The following NUDT5 variants were observed in gnomAD, a reference collection of about 807,000 sequenced individuals.
NUDT5 encodes the protein nudix hydrolase 5.
Under a neutral mutation model 34.1 loss-of-function variants are expected in NUDT5, and 21 were observed. The ratio of observed to expected loss-of-function variants is 0.62; its 90% confidence interval spans 0.44 to 0.89. NUDT5 has a LOEUF of 0.89. Ranked by LOEUF, NUDT5 falls within the 40% of genes least tolerant of loss-of-function variation. The pLI is 0.00. For synonymous variants in NUDT5, 85 were observed against 97.6 expected (o/e 0.87, Z 0.76); for missense variants, 249 against 274.8 (o/e 0.91, Z 0.66).
rs775605399 is a variant in NUDT5 at position 12,170,202 on chromosome 10, AG to A, written c.550+514del. 10 of 1,611,792 alleles carry A rather than the reference AG, an allele frequency of 6.2e-6. No individual in the cohort carries two copies. The highest frequency in any genetic ancestry group is 3.3e-5 in the Admixed American group (2 of 59,996). On this transcript the variant is annotated intron_variant, in intron 9 of 9. Transcript: ENST00000491614. The surrounding 1 kb of genome is among the most constrained non-coding windows in gnomAD (Gnocchi z 4.9). The stretch of plus-strand genomic sequence containing the variant: ...AATTATACAATGCATCTACATGACC[AG>A]TGATTTCTAAGGGCCACACAGCTGG...
rs1275074162 is a variant in NUDT5, at chr10:12,165,453, T to C, written c.*2249A>G. The C allele has an allele frequency of 1.9e-5, 15 of 773,406 alleles. No individual in the cohort carries two copies. The highest frequency in any genetic ancestry group is 2.4e-5 in the Non-Finnish European group (15 of 637,018). The allele number at this position is 773,406 out of a possible 1,614,324, so 47.9% of individuals were successfully genotyped here. A position where few individuals can be genotyped will look rare whatever the true frequency, so the allele number is the denominator to read the frequency against. On this transcript the variant is annotated 3_prime_UTR_variant, in exon 10 of 10. Transcript: ENST00000491614. ...ATAGGTTCAGTGTATTCATAAGAAG[T>C]CCACCCTGAGATGCCTGTAAAAGTC...
chr10:12,181,251 G>C lies in NUDT5; in HGVS notation c.132-2119C>G, dbSNP rs761263376. On this transcript the variant is annotated intron_variant, in intron 3 of 9. Coordinates refer to ENST00000491614, the MANE Select transcript of NUDT5 (RefSeq NM_014142.4). This position sits in a 1 kb window ranked among gnomAD's most constrained non-coding sequence, Gnocchi z 5.0. ...TACTCTAGAGATGAAGTGCGTGGGAGGATGTGCATAGGTTAGAGGCAAATA... is the reference window on the plus strand; with the variant it reads ...TACTCTAGAGATGAAGTGCGTGGGACGATGTGCATAGGTTAGAGGCAAATA... Among the ~76,000 whole-genome samples the C allele has an allele frequency of 5.3e-5, 8 of 152,198 alleles. No individual in the cohort carries two copies. The highest frequency in any genetic ancestry group is 8.8e-5 in the Non-Finnish European group (6 of 68,034).
rs1835054844 is a variant in NUDT5 at position 12,182,251 on chromosome 10, G to A, written c.131+2638C>T. On this transcript the variant is annotated intron_variant, in intron 3 of 9. Coordinates refer to ENST00000491614, the MANE Select transcript of NUDT5 (RefSeq NM_014142.4). This position sits in a 1 kb window ranked among gnomAD's most constrained non-coding sequence, Gnocchi z 4.3. ...TTCTGACTGCAGCCTGTCACACAGA[G>A]TCAGGTGTGGAATTCTCCAGCTGGG... Among the ~76,000 whole-genome samples the A allele has an allele frequency of 6.6e-6, 1 of 152,188 alleles. No individual in the cohort carries two copies. The highest frequency in any genetic ancestry group is 1.5e-5 in the Non-Finnish European group (1 of 68,026).
In NUDT5 at chr10:12,193,869, C is replaced by CTT. The variant is rs561906932; in HGVS notation, c.-42+1899_-42+1900dup. ...TTGCAACTGCCTTAATCTCTACACT[C>CTT]TTTTTTTTTTTTTTCCCGAGACGGA... On this transcript the variant is annotated intron_variant, in intron 1 of 9. Transcript: ENST00000491614. Among the ~76,000 whole-genome samples the CTT allele has an allele frequency of 2.7e-4, 39 of 143,960 alleles. No homozygotes were observed. The South Asian group carries it at 3.3e-3, about 12-fold the overall frequency. 94.4% of individuals were successfully genotyped at this position (143,960 alleles called of 152,430 possible).
At chr10:12,191,989 C>CA (rs1407069875) in intron 1 of NUDT5, among the ~76,000 whole-genome samples, 1 of 151,960 alleles carries the variant, frequency 6.6e-6, no homozygotes, top group Non-Finnish European at 1.5e-5. Flanking sequence ...CAAAGTGAAG[C>CA]AAAAAATCCT....
At position 12,181,405 on chromosome 10, in the gene NUDT5, G is replaced by A. The variant is rs918085760; in HGVS notation, c.132-2273C>T. Among the ~76,000 whole-genome samples the A allele has an allele frequency of 4.6e-5, 7 of 152,182 alleles. No individual in the cohort carries two copies. Among genetic ancestry groups the A allele is most frequent in the African/African-American group, 1.7e-4 (7 of 41,442 alleles). On this transcript the variant is annotated intron_variant, in intron 3 of 9. Coordinates refer to ENST00000491614, the MANE Select transcript of NUDT5 (RefSeq NM_014142.4). This position sits in a 1 kb window ranked among gnomAD's most constrained non-coding sequence, Gnocchi z 5.0. Reference sequence around the variant, plus strand: ...TGTACAGGTTGAGTATTCCTTACCCGAAACGAGGGGCCGGAAGTGTTTCAG... The same window carrying A: ...TGTACAGGTTGAGTATTCCTTACCCAAAACGAGGGGCCGGAAGTGTTTCAG...
Position 12,181,824 on chromosome 10 carries a change from T to A in NUDT5, c.132-2692A>T, listed in dbSNP as rs1835046869. ...TGAGACTCTGTCTCTACTAAAAAAA[T>A]AAAAATTAAATAAATTTAAAAAAAA... On this transcript the variant is annotated intron_variant, in intron 3 of 9. Coordinates refer to ENST00000491614, the MANE Select transcript of NUDT5 (RefSeq NM_014142.4). This position sits in a 1 kb window ranked among gnomAD's most constrained non-coding sequence, Gnocchi z 5.0. Among the ~76,000 whole-genome samples, 1 of 150,566 alleles carries A rather than the reference T, an allele frequency of 6.6e-6. No individual in the cohort carries two copies.
At position 12,187,381 on chromosome 10, in the gene NUDT5, C is replaced by G. The variant is rs1475607799; in HGVS notation, c.-41-1049G>C. On this transcript the variant is annotated intron_variant, in intron 1 of 9. Transcript: ENST00000491614. The surrounding 1 kb of genome is among the most constrained non-coding windows in gnomAD (Gnocchi z 5.4). ...TCAGCATGTATCAAAGTCATAGTTGCAGAGAAAGGATCGAGTAGTACTACA... is the reference window on the plus strand; with the variant it reads ...TCAGCATGTATCAAAGTCATAGTTGGAGAGAAAGGATCGAGTAGTACTACA... Among the ~76,000 whole-genome samples the G allele has an allele frequency of 3.3e-5, 5 of 152,208 alleles. No individual in the cohort carries two copies. The highest frequency in any genetic ancestry group is 9.6e-5 in the African/African-American group (4 of 41,454).
chr10:12,178,685 T>G (rs1834993827), intron 4 of NUDT5, among the ~76,000 whole-genome samples: 1 of 152,216 alleles, frequency 6.6e-6, no homozygotes, highest in South Asian at 2.1e-4. Flanking sequence ...TTCCGTGTCC[T>G]CATCAACCTG....
intron 5 of NUDT5, among the ~76,000 whole-genome samples, chr10:12,174,454 G>C (rs1588656173): frequency 6.6e-6 from 1 of 150,906 alleles, no homozygotes; most frequent in African/African-American, 2.4e-5. Context: ...TGTAGTAGAG[G>C]CTAATTTGTA....
Position 12,170,218 on chromosome 10 carries a change from C to A in NUDT5, c.550+499G>T. The A allele has an allele frequency of 6.2e-7, 1 of 1,608,850 alleles. No homozygotes were observed. The highest frequency in any genetic ancestry group is 1.7e-5 in the Admixed American group (1 of 60,002). ...TACATGACCAGTGATTTCTAAGGGC[C>A]ACACAGCTGGTTTGGTTTATTATGT... On this transcript the variant is annotated intron_variant, in intron 9 of 9. Coordinates refer to ENST00000491614, the MANE Select transcript of NUDT5 (RefSeq NM_014142.4). The surrounding 1 kb of genome is among the most constrained non-coding windows in gnomAD (Gnocchi z 4.9).
At position 12,166,652 on chromosome 10, in the gene NUDT5, A is replaced by C. The variant is rs1164953180; in HGVS notation, c.*1050T>G. 1.1e-5 allele frequency: 5 copies of C among 471,016 alleles called. No individual in the cohort carries two copies. Among genetic ancestry groups the C allele is most frequent in the African/African-American group, 4.0e-5 (2 of 49,758 alleles). 29.2% of individuals were successfully genotyped at this position (471,016 alleles called of 1,614,324 possible). ...GGCTTACCCGCTGGAGCCAGGCTAG[A>C]AACATGACTTAGGGCTGGATGAGAA... On this transcript the variant is annotated 3_prime_UTR_variant, in exon 10 of 10. Transcript: ENST00000491614.
rs951162342 is a variant in NUDT5 at position 12,187,188 on chromosome 10, A to G, written c.-41-856T>C. On this transcript the variant is annotated intron_variant, in intron 1 of 9. Coordinates refer to ENST00000491614, the MANE Select transcript of NUDT5 (RefSeq NM_014142.4). The surrounding 1 kb of genome is among the most constrained non-coding windows in gnomAD (Gnocchi z 5.4). ...GCTGGGATTACAGGTGCATGCTACCACAGCCAACTAATGTTTTAAACTTTT... is the reference window on the plus strand; with the variant it reads ...GCTGGGATTACAGGTGCATGCTACCGCAGCCAACTAATGTTTTAAACTTTT... 6.6e-6 allele frequency among the ~76,000 whole-genome samples: 1 copy of G among 152,152 alleles called. No individual in the cohort carries two copies. The highest frequency in any genetic ancestry group is 1.5e-5 in the Non-Finnish European group (1 of 68,030).
In NUDT5 at chr10:12,181,876, C is replaced by A. The variant is rs148543180; in HGVS notation, c.132-2744G>T. Among the ~76,000 whole-genome samples the A allele has an allele frequency of 2.0e-5, 3 of 152,012 alleles. No homozygotes were observed. Among genetic ancestry groups the A allele is most frequent in the Non-Finnish European group, 4.4e-5 (3 of 67,992 alleles). ...GGATATGGCCGGATGCGGTGGCTCA[C>A]GACTGTAGTCCTAGCACTTTGGGAG... On this transcript the variant is annotated intron_variant, in intron 3 of 9. Transcript: ENST00000491614. The surrounding 1 kb of genome is among the most constrained non-coding windows in gnomAD (Gnocchi z 5.0).
intron 3 of NUDT5, among the ~76,000 whole-genome samples, chr10:12,180,076 A>G (rs1835020428): frequency 6.6e-6 from 1 of 152,240 alleles, no homozygotes; most frequent in Admixed American, 6.5e-5. Flanking sequence ...TAAGAGCTGC[A>G]AGATATCCTC....
rs540190180 is a variant in NUDT5, at chr10:12,173,226, A to C, written c.386-360T>G. 1.3e-5 allele frequency among the ~76,000 whole-genome samples: 2 copies of C among 152,320 alleles called. No individual in the cohort carries two copies. Among genetic ancestry groups the C allele is most frequent in the South Asian group, 4.1e-4 (2 of 4,824 alleles). Reference sequence around the variant, plus strand: ...ATTCCTAAAGGCAATTGATTTTTTGAGACAGAGTTTCACTTTGCTCTTATT... The same window carrying C: ...ATTCCTAAAGGCAATTGATTTTTTGCGACAGAGTTTCACTTTGCTCTTATT... On this transcript the variant is annotated intron_variant, in intron 6 of 9. Coordinates refer to ENST00000491614, the MANE Select transcript of NUDT5 (RefSeq NM_014142.4). The surrounding 1 kb of genome is among the most constrained non-coding windows in gnomAD (Gnocchi z 4.7).
chr10:12,192,253 G>A (rs1295304907), intron 1 of NUDT5, among the ~76,000 whole-genome samples: 9 of 151,382 alleles, frequency 5.9e-5, no homozygotes, highest in South Asian at 2.1e-4. Context: ...GCAGTGAGCC[G>A]AGATCATGCC....
chr10:12,194,943 A>T (rs1054828521), intron 1 of NUDT5, among the ~76,000 whole-genome samples: 1 of 152,174 alleles, frequency 6.6e-6, no homozygotes, highest in African/African-American at 2.4e-5. Context: ...CGGGCAGATC[A>T]CCTAAGGTTA....
Position 12,182,024 on chromosome 10 carries a change from C to T in NUDT5, c.131+2865G>A, listed in dbSNP as rs7911855. On this transcript the variant is annotated intron_variant, in intron 3 of 9. Coordinates refer to ENST00000491614, the MANE Select transcript of NUDT5 (RefSeq NM_014142.4). The surrounding 1 kb of genome is among the most constrained non-coding windows in gnomAD (Gnocchi z 4.3). The stretch of plus-strand genomic sequence containing the variant: ...GCATGCACCTCTAGTCCCAGCTACT[C>T]GAGTGGCTGAGATAGAATTGCTAGA... 0.47 allele frequency among the ~76,000 whole-genome samples: 70,400 copies of T among 151,210 alleles called. 16,537 individuals carry two copies. The highest frequency in any genetic ancestry group is 0.54 in the Middle Eastern group (159 of 292).
Sources: allele counts gnomAD v4.1 joint callset (sites outside exome capture counted in the v4.1 genomes callset), GRCh38; gene constraint gnomAD v4.1.1; non-coding constraint Gnocchi (gnomAD v3.1); transcripts MANE v1.5; gene names NCBI Gene and HGNC (gene_info 2026-07-23, HGNC 2026-07-21).